The following PTPN3 variants were observed in gnomAD, a reference collection of about 807,000 sequenced individuals.
The protein encoded by PTPN3 is tyrosine-protein phosphatase non-receptor type 3.
Under a neutral mutation model 132.7 loss-of-function variants are expected in PTPN3, and 96 were observed. The observed-to-expected ratio is 0.72, with a 90% CI of 0.61 to 0.86. The LOEUF (loss-of-function observed/expected upper bound fraction) is 0.86, where lower values mean the gene tolerates loss of function less well. Ranked by LOEUF, PTPN3 falls within the 40% of genes least tolerant of loss-of-function variation. The pLI, the probability that PTPN3 is intolerant of heterozygous loss-of-function variation, is 0.00. For synonymous variants in PTPN3, 398 were observed against 429.0 expected (o/e 0.93, Z 0.89); for missense variants, 1,125 against 1,159.6 (o/e 0.97, Z 0.43).
At chr9:109,461,526 TG>T (rs1845843211) in intron 2 of PTPN3, among the ~76,000 whole-genome samples, 1 of 152,000 alleles carries the variant, frequency 6.6e-6, no homozygotes, top group African/African-American at 2.4e-5. Context: ...GAAGCTAAAG[TG>T]GGAGGGTCGC....
chr9:109,525,995 G>C, the PTPN3 span, among the ~76,000 whole-genome samples: 1 of 152,102 alleles, frequency 6.6e-6, no homozygotes, highest in African/African-American at 2.4e-5. Context: ...TAAAGTATTT[G>C]ATAAGTAAAT....
intron 22 of PTPN3, 113 bp downstream of exon 22, chr9:109,389,120 C>G: frequency 7.3e-7 from 1 of 1,373,946 alleles, no homozygotes; most frequent in Non-Finnish European, 9.8e-7. Flanking sequence ...GACTTAGGGT[C>G]ACATACGGGC....
chr9:109,516,392 C>G, the PTPN3 span, among the ~76,000 whole-genome samples: 15 of 152,180 alleles, frequency 9.9e-5, no homozygotes, highest in African/African-American at 3.6e-4. Context: ...GTTAGAGAAG[C>G]TTTCAAGGAC....
intron 19 of PTPN3, among the ~76,000 whole-genome samples, chr9:109,391,789 T>G (rs1233463165): frequency 7.2e-6 from 1 of 139,600 alleles, no homozygotes; most frequent in Non-Finnish European, 1.5e-5. Flanking sequence ...AGGAAGGGTC[T>G]GGGTCTCAGG....
rs150640091 is a variant in PTPN3 at position 109,426,321 on chromosome 9, A to C, written c.1001+629T>G. 7.5e-3 allele frequency among the ~76,000 whole-genome samples: 1,120 copies of C among 150,078 alleles called. 12 individuals carry two copies. Among genetic ancestry groups the C allele is most frequent in the African/African-American group, 0.026 (1,058 of 41,176 alleles). The stretch of plus-strand genomic sequence containing the variant: ...ATATATTTATACATAAATATATATA[A>C]ATTTACATCCATTTCTTTTCCTGTA... On this transcript the variant is annotated intron_variant, in intron 12 of 25. Transcript: ENST00000374541.
chr9:109,457,475 A>G, intron 2 of PTPN3, 76 bp from the exon 3 acceptor site: 1 of 1,153,072 alleles, frequency 8.7e-7, no homozygotes. Context: ...TGTAGGCAAA[A>G]AAGAGTTAAA....
At chr9:109,409,637 T>TG (rs1841914833) in intron 16 of PTPN3, among the ~76,000 whole-genome samples, 1 of 152,014 alleles carries the variant, frequency 6.6e-6, no homozygotes, top group African/African-American at 2.4e-5. Flanking sequence ...TTGGACAACA[T>TG]GGTGAAACCC....
chr9:109,414,223 C>T (rs775512986), intron 14 of PTPN3, among the ~76,000 whole-genome samples: 3 of 152,188 alleles, frequency 2.0e-5, no homozygotes, highest in Admixed American at 1.3e-4. Flanking sequence ...AAAGTGAAGG[C>T]GAGTTAAATG....
chr9:109,381,929 TCAAA>T, intron 24 of PTPN3, 142 bp from the exon 25 acceptor site: 1 of 997,774 alleles, frequency 1.0e-6, no homozygotes, highest in Non-Finnish European at 1.5e-6. Context: ...CGGCGTGCTC[TCAAA>T]CAGGCTGAGA....
chr9:109,433,498 C>A (rs1182787391), intron 9 of PTPN3, among the ~76,000 whole-genome samples: 1 of 152,178 alleles, frequency 6.6e-6, no homozygotes, highest in Non-Finnish European at 1.5e-5. Flanking sequence ...AAGGCCTCAC[C>A]CCTTTGCAAA....
intron 1 of PTPN3, among the ~76,000 whole-genome samples, chr9:109,465,374 C>A (rs902253841): frequency 3.9e-5 from 6 of 152,000 alleles, no homozygotes; most frequent in African/African-American, 1.2e-4. Context: ...GTCAGGAGTT[C>A]GAGATCAGCT....
chr9:109,452,929 A>G (rs1735565767), intron 5 of PTPN3, among the ~76,000 whole-genome samples: 1 of 152,108 alleles, frequency 6.6e-6, no homozygotes, highest in Admixed American at 6.5e-5. Context: ...ACATTCTTAT[A>G]GATTTCATCA....
At chr9:109,474,581 C>G (rs534135799) in intron 1 of PTPN3, among the ~76,000 whole-genome samples, 51 of 152,206 alleles carry the variant, frequency 3.4e-4, no homozygotes, top group African/African-American at 1.2e-3. Context: ...CAGGGAGAAG[C>G]TGCAGCATTC....
At chr9:109,391,030 T>G in intron 21 of PTPN3, 108 bp downstream of exon 21, 1 of 965,154 alleles carries the variant, frequency 1.0e-6, no homozygotes, top group Middle Eastern at 2.1e-4. Context: ...TGAAATGCGG[T>G]GGTGAACGGG....
chr9:109,386,464 C>T (rs1839589020), intron 22 of PTPN3, among the ~76,000 whole-genome samples: 1 of 152,106 alleles, frequency 6.6e-6, no homozygotes, highest in Non-Finnish European at 1.5e-5. Context: ...CCTCAAGGTG[C>T]TCTCGAATCG....
chr9:109,492,447 C>T (rs1210666397), intron 1 of PTPN3, among the ~76,000 whole-genome samples: 3 of 152,188 alleles, frequency 2.0e-5, no homozygotes, highest in Non-Finnish European at 4.4e-5. Context: ...TCACCCACAG[C>T]GACTCTCAGC....
the PTPN3 span, among the ~76,000 whole-genome samples, chr9:109,516,995 A>G: frequency 3.9e-5 from 6 of 152,298 alleles, no homozygotes; most frequent in South Asian, 8.3e-4. Context: ...GCCTCCAAGC[A>G]TATATTCCGT....
chr9:109,493,003 ATTC>A (rs1847528211), intron 1 of PTPN3, among the ~76,000 whole-genome samples: 1 of 152,224 alleles, frequency 6.6e-6, no homozygotes, highest in African/African-American at 2.4e-5. Context: ...CCAAATTATT[ATTC>A]TTACTTCCCA....
At chr9:109,387,309 G>A (rs762480673) in intron 22 of PTPN3, among the ~76,000 whole-genome samples, 3 of 152,170 alleles carry the variant, frequency 2.0e-5, no homozygotes, top group Admixed American at 1.3e-4. Context: ...GTTCTCTGCC[G>A]AAGAGCCTCG....
Sources: allele counts gnomAD v4.1 joint callset (sites outside exome capture counted in the v4.1 genomes callset), GRCh38; gene constraint gnomAD v4.1.1; transcripts MANE v1.5; gene names NCBI Gene and HGNC (gene_info 2026-07-23, HGNC 2026-07-21).